Variants in RIT2 observed in about 807,000 individuals in gnomAD.
RIT2 encodes Ras like without CAAX 2, also known as GTP-binding protein Rit2.
In RIT2, 24 loss-of-function variants were observed where a neutral mutation model predicts 23.7. The ratio of observed to expected loss-of-function variants is 1.01; its 90% CI spans 0.73 to 1.43. RIT2 has a LOEUF of 1.43. Among genes scored for constraint, RIT2 ranks in the 40% most tolerant of loss-of-function variants. RIT2 has a pLI of 0.00. For missense variants in RIT2, 236 were observed against 266.9 expected (o/e 0.88, Z 0.81); for synonymous variants, 107 against 91.1 (o/e 1.17, Z -0.99).
At chr18:42,920,606 G>A (rs562155186) in intron 4 of RIT2, 403 of 809,136 alleles carry the variant, frequency 5.0e-4, no homozygotes, top group Non-Finnish European at 7.2e-4. Flanking sequence ...ACTAAAACTC[G>A]TTGTCTTTTT....
intron 4 of RIT2, among the ~76,000 whole-genome samples, chr18:42,775,202 A>G (rs1360515450): frequency 1.3e-5 from 2 of 152,144 alleles, no homozygotes; most frequent in Non-Finnish European, 2.9e-5. Flanking sequence ...AATCCATTGT[A>G]TTGTAAGAGC....
At chr18:43,005,458 GAAAAA>G (rs925841642) in intron 2 of RIT2, among the ~76,000 whole-genome samples, 2 of 151,730 alleles carry the variant, frequency 1.3e-5, no homozygotes, top group African/African-American at 4.8e-5. Context: ...AAATGATAGT[GAAAAA>G]ACACTATTAA....
At chr18:43,071,352 G>C (rs1912892173) in intron 1 of RIT2, among the ~76,000 whole-genome samples, 1 of 152,094 alleles carries the variant, frequency 6.6e-6, no homozygotes. Flanking sequence ...TACATCCCAG[G>C]TTCTCAACTG....
At chr18:42,819,756 G>T (rs1906097037) in intron 4 of RIT2, among the ~76,000 whole-genome samples, 1 of 151,944 alleles carries the variant, frequency 6.6e-6, no homozygotes, top group Admixed American at 6.6e-5. Context: ...AGTCAGCAGA[G>T]AATTCAGTAA....
At position 42,982,756 on chromosome 18, in the gene RIT2, A is replaced by G. The variant is rs192109092; in HGVS notation, c.161-8609T>C. ...TTATCCAAATTTACACTTGCTCAAA[A>G]ACTAAATACTTATGTGTATATTGAA... On this transcript the variant is annotated intron_variant, in intron 2 of 4. Transcript: ENST00000326695. Among the ~76,000 whole-genome samples, 97 of 152,284 alleles carry G rather than the reference A, an allele frequency of 6.4e-4. No homozygotes were observed. In the East Asian group the frequency reaches 0.015, roughly 24 times the overall value.
intron 2 of RIT2, among the ~76,000 whole-genome samples, 168 bp downstream of exon 2, chr18:43,033,643 T>C (rs1911908261): frequency 6.6e-6 from 1 of 152,104 alleles, no homozygotes; most frequent in Admixed American, 6.6e-5. Flanking sequence ...ACAAATACTG[T>C]CTCTTGAAGC....
chr18:42,982,520 AC>A (rs1419673073), intron 2 of RIT2, among the ~76,000 whole-genome samples: 1 of 152,150 alleles, frequency 6.6e-6, no homozygotes, highest in African/African-American at 2.4e-5. Context: ...TCATCTTGAC[AC>A]CCATACACAT....
intron 4 of RIT2, among the ~76,000 whole-genome samples, chr18:42,885,852 T>C (rs1229016857): frequency 6.6e-6 from 1 of 152,220 alleles, no homozygotes; most frequent in Non-Finnish European, 1.5e-5. Flanking sequence ...AAATTTATGA[T>C]ATTAATGCTC....
chr18:43,074,581 T>A (rs1161154444), intron 1 of RIT2, among the ~76,000 whole-genome samples: 2 of 152,208 alleles, frequency 1.3e-5, no homozygotes, highest in African/African-American at 2.4e-5. Flanking sequence ...TGACTTTTTT[T>A]AAGATACATG....
At chr18:42,983,485 C>CA (rs977427495) in intron 2 of RIT2, among the ~76,000 whole-genome samples, 2 of 151,690 alleles carry the variant, frequency 1.3e-5, no homozygotes, top group African/African-American at 4.8e-5. Context: ...GCATAGACTA[C>CA]AAAAAAATGA....
chr18:42,851,736 G>A (rs549577490), intron 4 of RIT2, among the ~76,000 whole-genome samples: 2 of 152,206 alleles, frequency 1.3e-5, no homozygotes, highest in Middle Eastern at 3.4e-3. Context: ...TATAGTCCCA[G>A]CTACTCCAGA....
intron 4 of RIT2, among the ~76,000 whole-genome samples, chr18:42,863,561 T>TACATAAC: frequency 6.6e-6 from 1 of 152,160 alleles, no homozygotes; most frequent in Non-Finnish European, 1.5e-5. Flanking sequence ...CAAACAATGT[T>TACATAAC]ATTGAACCTC....
intron 3 of RIT2, among the ~76,000 whole-genome samples, chr18:42,953,404 C>T (rs552857548): frequency 2.6e-5 from 4 of 152,150 alleles, no homozygotes; most frequent in African/African-American, 9.6e-5. Flanking sequence ...CAGTGGCACC[C>T]TAAAAGTGAG....
At chr18:42,869,290 T>G (rs1028998773) in intron 4 of RIT2, among the ~76,000 whole-genome samples, 2 of 152,196 alleles carry the variant, frequency 1.3e-5, no homozygotes, top group African/African-American at 4.8e-5. Flanking sequence ...TTCGTGCTCC[T>G]ATGAGAATCT....
intron 3 of RIT2, among the ~76,000 whole-genome samples, chr18:42,970,973 C>T (rs1910349329): frequency 6.6e-6 from 1 of 151,904 alleles, no homozygotes; most frequent in Non-Finnish European, 1.5e-5. Flanking sequence ...GTCTCTTTTA[C>T]AAGCACAATC....
intron 2 of RIT2, among the ~76,000 whole-genome samples, chr18:42,981,346 T>G (rs1910593316): frequency 6.6e-6 from 1 of 152,274 alleles, no homozygotes; most frequent in South Asian, 2.1e-4. Context: ...TAAAAAGAAC[T>G]TTTATGATCA....
intron 1 of RIT2, among the ~76,000 whole-genome samples, chr18:43,050,428 G>A (rs1470446004): frequency 6.6e-6 from 1 of 152,122 alleles, no homozygotes; most frequent in Non-Finnish European, 1.5e-5. Context: ...AATCAGCTGT[G>A]TGAAATCTGA....
chr18:42,993,801 C>A (rs954780067), intron 2 of RIT2, among the ~76,000 whole-genome samples: 2 of 152,008 alleles, frequency 1.3e-5, no homozygotes, highest in Non-Finnish European at 2.9e-5. Context: ...CCCTCCTTGG[C>A]GATCGATCAT....
chr18:42,868,500 C>T (rs1427453862), intron 4 of RIT2, among the ~76,000 whole-genome samples: 1 of 152,154 alleles, frequency 6.6e-6, no homozygotes, highest in African/African-American at 2.4e-5. Flanking sequence ...ATGGATGTAA[C>T]AAACATTATT....
Sources: gnomAD v4.1 joint callset for allele counts (sites outside exome capture counted in the v4.1 genomes callset) on GRCh38, gnomAD v4.1.1 for gene constraint, MANE v1.5 for transcripts, NCBI Gene and HGNC (gene_info 2026-07-23, HGNC 2026-07-21) for gene names.